Variants in ZNF492 observed in about 807,000 individuals in gnomAD.
ZNF492 encodes zinc finger protein 492, also known as zinc finger protein 115 (Y20).
A neutral mutation model predicts 6.4 loss-of-function variants in ZNF492; 3 were observed. That is an observed-to-expected ratio of 0.47 (90% CI 0.21 to 1.22). The LOEUF is 1.22. Ranked by LOEUF, ZNF492 falls within the 50% of genes most tolerant of loss-of-function variation. The pLI is 0.22. For missense variants in ZNF492, 356 were observed against 612.5 expected (o/e 0.58, Z 4.42); for synonymous variants, 112 against 205.3 (o/e 0.55, Z 3.89).
intron 3 of ZNF492, among the ~76,000 whole-genome samples, chr19:22,658,587 A>G (rs1391212181): frequency 7.1e-6 from 1 of 141,142 alleles, no homozygotes. Context: ...TATCTCATAA[A>G]ATCTGTTTGT....
chr19:22,659,475 A>G (rs1006244243), intron 3 of ZNF492, among the ~76,000 whole-genome samples: 1 of 151,658 alleles, frequency 6.6e-6, no homozygotes, highest in African/African-American at 2.4e-5. Flanking sequence ...CAGTGTCAAA[A>G]TATCCTACTA....
intron 3 of ZNF492, among the ~76,000 whole-genome samples, chr19:22,658,273 T>A (rs71355984): frequency 7.3e-6 from 1 of 136,098 alleles, no homozygotes; most frequent in African/African-American, 2.6e-5. Context: ...ATTTTAAAAC[T>A]TAGCCAGACA....
chr19:22,647,784 C>T (rs1207834518), intron 1 of ZNF492, among the ~76,000 whole-genome samples: 1 of 137,626 alleles, frequency 7.3e-6, no homozygotes, highest in Non-Finnish European at 1.5e-5. Context: ...AGCTGGAGTC[C>T]AGTGGCGTGA....
At chr19:22,636,674 G>C (rs1287080419) in intron 1 of ZNF492, among the ~76,000 whole-genome samples, 1 of 149,054 alleles carries the variant, frequency 6.7e-6, no homozygotes, top group Non-Finnish European at 1.5e-5. Flanking sequence ...TGCTCCTATT[G>C]CCCAGGCTGG....
intron 1 of ZNF492, among the ~76,000 whole-genome samples, chr19:22,650,906 A>G (rs995032265): frequency 6.6e-6 from 1 of 152,122 alleles, no homozygotes; most frequent in Non-Finnish European, 1.5e-5. Context: ...CAAATGGCTT[A>G]AACAGCAGGC....
intron 3 of ZNF492, among the ~76,000 whole-genome samples, chr19:22,661,405 T>C (rs1427943171): frequency 6.6e-6 from 1 of 152,146 alleles, no homozygotes; most frequent in Non-Finnish European, 1.5e-5. Context: ...TTGTATACAT[T>C]GTAATCTTGG....
rs1461085595 is a variant in ZNF492 at position 22,666,819 on chromosome 19, T to A, written c.*1554T>A. 1.3e-5 allele frequency: 2 copies of A among 152,250 alleles called. No individual in the cohort carries two copies. The highest frequency in any genetic ancestry group is 2.4e-5 in the African/African-American group (1 of 41,472). 9.4% of individuals were successfully genotyped at this position (152,250 alleles called of 1,614,324 possible). On this transcript the variant is annotated 3_prime_UTR_variant, in exon 4 of 4. Transcript: ENST00000456783. The stretch of plus-strand genomic sequence containing the variant: ...TACATGTTAAAAATTTTAGATTATG[T>A]GTGAACTTAATTTCTTAATTCAACA...
Position 22,634,451 on chromosome 19 carries a change from G to A in ZNF492, c.-117G>A, listed in dbSNP as rs926846907. The stretch of plus-strand genomic sequence containing the variant: ...TGGGAGATCCACAGCTAAGACGCTA[G>A]GACCCCCTGGAAGCCTAGAAACGGT... On this transcript the variant is annotated 5_prime_UTR_variant, in exon 1 of 4. Transcript: ENST00000456783. 33 of 1,381,892 alleles carry A rather than the reference G, an allele frequency of 2.4e-5. No homozygotes were observed. Among genetic ancestry groups the A allele is most frequent in the Non-Finnish European group, 3.4e-5 (33 of 984,766 alleles). 85.6% of individuals were successfully genotyped at this position (1,381,892 alleles called of 1,614,324 possible).
At chr19:22,660,426 T>TGGG (rs1226690104) in intron 3 of ZNF492, among the ~76,000 whole-genome samples, 1 of 150,362 alleles carries the variant, frequency 6.7e-6, no homozygotes, top group East Asian at 1.9e-4. Flanking sequence ...TTTTTTTTTT[T>TGGG]GGTGGCACCT....
rs1031731072 is a variant in ZNF492 at position 22,665,491 on chromosome 19, A to G, written c.*226A>G. ...ATCTGTGCACATCTTATTCAACATC[A>G]GAGTTTATATTAATAGCATTAAAAG... On this transcript the variant is annotated 3_prime_UTR_variant, in exon 4 of 4. Coordinates refer to ENST00000456783, the MANE Select transcript of ZNF492 (RefSeq NM_020855.3). 1.1e-5 allele frequency: 10 copies of G among 898,664 alleles called. No homozygotes were observed. In the African/African-American group the frequency reaches 1.9e-4, roughly 17 times the overall value. The allele number at this position is 898,664 out of a possible 1,614,324, so 55.7% of individuals were successfully genotyped here. A position where few individuals can be genotyped will look rare whatever the true frequency, so the allele number is the denominator to read the frequency against.
intron 1 of ZNF492, among the ~76,000 whole-genome samples, chr19:22,647,569 T>G (rs1971893697): frequency 6.6e-6 from 1 of 150,820 alleles, no homozygotes; most frequent in South Asian, 2.1e-4. Context: ...TGGCCCTATT[T>G]TGTTAATTTT....
chr19:22,655,302 A>T (rs1281829682), intron 3 of ZNF492, among the ~76,000 whole-genome samples: 3 of 152,140 alleles, frequency 2.0e-5, no homozygotes, highest in Non-Finnish European at 4.4e-5. Context: ...CTCAAAAAAA[A>T]AAAAATTCTT....
At chr19:22,640,662 T>C (rs190917759) in intron 1 of ZNF492, among the ~76,000 whole-genome samples, 147 of 152,316 alleles carry the variant, frequency 9.7e-4, no homozygotes, top group Non-Finnish European at 1.9e-3. Context: ...TGGTGCTGTT[T>C]TTAGTTTTTT....
At position 22,644,078 on chromosome 19, in the gene ZNF492, G is replaced by A. The variant is rs1278339071; in HGVS notation, c.-93-9229G>A. Among the ~76,000 whole-genome samples the A allele has an allele frequency of 2.0e-5, 3 of 150,798 alleles. No homozygotes were observed. The Admixed American group carries it at 2.0e-4, about 10-fold the overall frequency. ...ATGGGTGGAGTTTTTTCTGTTTTGG[G>A]TCTTCTGCCTGTGGGTGTGGTGGTA... is the stretch of plus-strand genomic sequence containing the variant. On this transcript the variant is annotated intron_variant, in intron 1 of 3. Transcript: ENST00000456783.
chr19:22,646,448 A>G (rs7508013), intron 1 of ZNF492, among the ~76,000 whole-genome samples: 12,346 of 152,214 alleles, frequency 0.081, 1,621 homozygotes, highest in African/African-American at 0.28. Context: ...AATATAGAAT[A>G]ACGTCATGTG....
At chr19:22,659,663 TGTTG>T (rs1285496401) in intron 3 of ZNF492, among the ~76,000 whole-genome samples, 26 of 134,466 alleles carry the variant, frequency 1.9e-4, no homozygotes, top group East Asian at 1.1e-3. Context: ...GGTTTTTTTT[TGTTG>T]TTTTTTTTTT....
Position 22,653,912 on chromosome 19 carries a change from T to C in ZNF492, c.35-8T>C. ...TGAGCAAGATTCATGTTATTTGTAA[T>C]AAAACAGGTATTGCTGCCTCTAAGC... On this transcript the variant is annotated splice_region_variant and splice_polypyrimidine_tract_variant and intron_variant, in intron 2 of 3. Transcript: ENST00000456783. 1.3e-6 allele frequency: 2 copies of C among 1,578,336 alleles called. No individual in the cohort carries two copies. The highest frequency in any genetic ancestry group is 1.2e-5 in the South Asian group (1 of 84,088).
intron 1 of ZNF492, among the ~76,000 whole-genome samples, chr19:22,646,227 G>A (rs1356705776): frequency 6.6e-6 from 1 of 152,074 alleles, no homozygotes; most frequent in Admixed American, 6.6e-5. Flanking sequence ...TCCTTGAAGA[G>A]GTCCTTCACA....
intron 1 of ZNF492, 86 bp from the exon 2 acceptor site, chr19:22,653,221 T>C: frequency 6.7e-7 from 1 of 1,490,804 alleles, no homozygotes. Flanking sequence ...ACCAGTTCTC[T>C]TTACTCTTGT....
Sources: gnomAD v4.1 joint callset for allele counts (sites outside exome capture counted in the v4.1 genomes callset) on GRCh38, gnomAD v4.1.1 for gene constraint, MANE v1.5 for transcripts, NCBI Gene and HGNC (gene_info 2026-07-23, HGNC 2026-07-21) for gene names.